Variants in OR10J1 observed in about 807,000 individuals in gnomAD.
OR10J1 encodes the protein olfactory receptor family 10 subfamily J member 1.
For missense variants in OR10J1, 474 were observed against 376.6 expected (o/e 1.26, Z -2.14); for synonymous variants, 202 against 143.8 (o/e 1.40, Z -2.89).
chr1:159,411,035 C>T, the OR10J1 span, among the ~76,000 whole-genome samples: 1 of 152,098 alleles, frequency 6.6e-6, no homozygotes, highest in Non-Finnish European at 1.5e-5. Context: ...ATCCTGAGTT[C>T]TAGTTTGATT....
the OR10J1 span, among the ~76,000 whole-genome samples, chr1:159,412,048 C>A: frequency 6.6e-6 from 1 of 151,976 alleles, no homozygotes; most frequent in Admixed American, 6.6e-5. Context: ...CAATAACAGA[C>A]AAACAGAGAG....
chr1:159,414,562 A>G, the OR10J1 span, among the ~76,000 whole-genome samples: 1 of 152,136 alleles, frequency 6.6e-6, no homozygotes, highest in Non-Finnish European at 1.5e-5. Flanking sequence ...GAAAGTGTAG[A>G]TATCTCTTCA....
chr1:159,408,804 C>T, the OR10J1 span, among the ~76,000 whole-genome samples: 16,417 of 151,654 alleles, frequency 0.11, 1,136 homozygotes, highest in East Asian at 0.23. Context: ...AGTAACATCC[C>T]GAAAAATTTT....
At chr1:159,432,510 T>C in the OR10J1 span, 1 of 449,702 alleles carries the variant, frequency 2.2e-6, no homozygotes, top group Non-Finnish European at 4.0e-6. Context: ...CGCTCAGCTC[T>C]TTTTCTATCT....
At chr1:159,437,967 G>A (rs1285786168), upstream of OR10J1, 1 of 152,452 alleles carries the variant, frequency 6.6e-6, no homozygotes, top group African/African-American at 2.4e-5. Flanking sequence ...GGCCAAGGGA[G>A]CCTGACATTT....
At chr1:159,414,929 T>A in the OR10J1 span, among the ~76,000 whole-genome samples, 2 of 152,162 alleles carry the variant, frequency 1.3e-5, no homozygotes, top group Non-Finnish European at 2.9e-5. Context: ...ATTGGATTTT[T>A]ATTTTTACTG....
chr1:159,433,279 T>G (rs1235421128), upstream of OR10J1: 3 of 396,288 alleles, frequency 7.6e-6, no homozygotes, highest in Non-Finnish European at 1.3e-5. Flanking sequence ...CCTCATAGAT[T>G]GAAAAAAGAA....
upstream of OR10J1, chr1:159,433,081 G>A (rs761960158): frequency 2.2e-6 from 1 of 447,834 alleles, no homozygotes; most frequent in South Asian, 7.9e-5. Flanking sequence ...ACAGCCTGAG[G>A]AACAAAGAGG....
At chr1:159,419,738 G>A in the OR10J1 span, among the ~76,000 whole-genome samples, 2 of 152,128 alleles carry the variant, frequency 1.3e-5, no homozygotes. Flanking sequence ...CTTGTTTTGT[G>A]TCCTAACATA....
chr1:159,428,306 C>T, the OR10J1 span, among the ~76,000 whole-genome samples: 4 of 152,086 alleles, frequency 2.6e-5, no homozygotes, highest in Non-Finnish European at 5.9e-5. Context: ...CTACATTCAT[C>T]CTAGATTTTC....
At chr1:159,410,958 C>A in the OR10J1 span, among the ~76,000 whole-genome samples, 1 of 151,828 alleles carries the variant, frequency 6.6e-6, no homozygotes, top group East Asian at 1.9e-4. Context: ...CGTTATGTAC[C>A]CAGTAGTCAT....
chr1:159,398,500 A>G, the OR10J1 span, among the ~76,000 whole-genome samples: 2 of 152,200 alleles, frequency 1.3e-5, no homozygotes, highest in Non-Finnish European at 2.9e-5. Context: ...ACTCAAGGAA[A>G]TTCAAGATAA....
At chr1:159,404,321 A>C in the OR10J1 span, among the ~76,000 whole-genome samples, 1 of 152,102 alleles carries the variant, frequency 6.6e-6, no homozygotes, top group Non-Finnish European at 1.5e-5. Context: ...AATGTCTTCC[A>C]CCTTTTAGAC....
the OR10J1 span, chr1:159,406,007 A>T: frequency 1.4e-5 from 6 of 442,240 alleles, no homozygotes; most frequent in Admixed American, 1.8e-4. Flanking sequence ...CATAGCAATC[A>T]TATCCCATGG....
upstream of OR10J1, among the ~76,000 whole-genome samples, chr1:159,438,974 G>A (rs1400244764): frequency 6.6e-6 from 1 of 152,192 alleles, no homozygotes; most frequent in African/African-American, 2.4e-5. Context: ...CAGAGTGGGT[G>A]TAGGCTTACT....
the OR10J1 span, among the ~76,000 whole-genome samples, chr1:159,402,664 T>C: frequency 1.3e-5 from 2 of 152,066 alleles, no homozygotes; most frequent in Non-Finnish European, 2.9e-5. Context: ...AGAATCAATA[T>C]TGTTAAACTA....
the OR10J1 span, among the ~76,000 whole-genome samples, chr1:159,430,668 T>TGTGTGTGTGTGCGCGC: frequency 3.6e-4 from 25 of 69,708 alleles, no homozygotes; most frequent in African/African-American, 7.3e-4. Context: ...TGTGTGTGTG[T>TGTGTGTGTGTGCGCGC]GCGCGCGCGC....
chr1:159,428,076 C>A, the OR10J1 span, among the ~76,000 whole-genome samples: 1 of 151,972 alleles, frequency 6.6e-6, no homozygotes, highest in Non-Finnish European at 1.5e-5. Flanking sequence ...TAGCAAGCAT[C>A]ATGTTTAATG....
At chr1:159,429,679 G>A in the OR10J1 span, among the ~76,000 whole-genome samples, 33 of 152,130 alleles carry the variant, frequency 2.2e-4, no homozygotes, top group African/African-American at 8.0e-4. Context: ...TTTGGGGAGA[G>A]GGACCCCAGA....
Sources: gnomAD v4.1 joint callset for allele counts (sites outside exome capture counted in the v4.1 genomes callset) on GRCh38, gnomAD v4.1.1 for gene constraint, MANE v1.5 for transcripts, NCBI Gene and HGNC (gene_info 2026-07-23, HGNC 2026-07-21) for gene names.